The following FCRL2 variants were observed in gnomAD, a reference collection of about 807,000 sequenced individuals.
The protein encoded by FCRL2 is Fc receptor like 2.
FCRL2 carries 48 observed loss-of-function variants against 59.8 expected under a neutral mutation model. The observed-to-expected ratio is 0.80, with a 90% CI of 0.64 to 1.02. The LOEUF (loss-of-function observed/expected upper bound fraction) is 1.02, where lower values mean the gene tolerates loss of function less well. Ranked by LOEUF, FCRL2 falls within the 50% of genes least tolerant of loss-of-function variation. The probability of loss-of-function intolerance (pLI) is 0.00; values close to 1 mark genes in which losing one functional copy is unlikely to be tolerated. For missense variants in FCRL2, 658 were observed against 597.3 expected (o/e 1.10, Z -1.06); for synonymous variants, 251 against 229.5 (o/e 1.09, Z -0.85).
chr1:157,751,992 A>T (rs1170175358), intron 7 of FCRL2, among the ~76,000 whole-genome samples: 1 of 152,234 alleles, frequency 6.6e-6, no homozygotes, highest in South Asian at 2.1e-4. Flanking sequence ...AGAGAGAAAC[A>T]TCTGGCCAGA....
chr1:157,776,053 G>A (rs1394243455), intron 1 of FCRL2, among the ~76,000 whole-genome samples: 5 of 152,058 alleles, frequency 3.3e-5, no homozygotes, highest in African/African-American at 4.8e-5. Context: ...GATATTTAGT[G>A]ACTCTCCTTG....
At chr1:157,755,476 A>G (rs1372196947) in intron 7 of FCRL2, among the ~76,000 whole-genome samples, 1 of 152,240 alleles carries the variant, frequency 6.6e-6, no homozygotes, top group Non-Finnish European at 1.5e-5. Context: ...TCAAATTATA[A>G]AGGTATCTAA....
At chr1:157,748,226 C>T (rs890950295) in intron 10 of FCRL2, among the ~76,000 whole-genome samples, 19 of 152,068 alleles carry the variant, frequency 1.2e-4, no homozygotes, top group Admixed American at 1.2e-3. Flanking sequence ...TGAATCCAGC[C>T]ATGGTGAAAC....
chr1:157,759,055 C>G (rs1293107945), intron 7 of FCRL2, among the ~76,000 whole-genome samples: 2 of 152,118 alleles, frequency 1.3e-5, no homozygotes, highest in South Asian at 2.1e-4. Flanking sequence ...GTGGGAGGGA[C>G]CCGGTGGGAG....
At chr1:157,760,526 G>A (rs1285709226) in intron 7 of FCRL2, among the ~76,000 whole-genome samples, 1 of 151,810 alleles carries the variant, frequency 6.6e-6, no homozygotes, top group African/African-American at 2.4e-5. Flanking sequence ...TACCCAGGAG[G>A]CTGAGGCGAG....
intron 7 of FCRL2, among the ~76,000 whole-genome samples, chr1:157,762,857 T>A (rs1421301415): frequency 6.6e-6 from 1 of 152,102 alleles, no homozygotes; most frequent in African/African-American, 2.4e-5. Flanking sequence ...CCTTCATAAA[T>A]AAGGAGAAAT....
chr1:157,773,161 C>G (rs570989948), intron 2 of FCRL2, among the ~76,000 whole-genome samples: 18 of 152,334 alleles, frequency 1.2e-4, no homozygotes, highest in African/African-American at 4.3e-4. Context: ...TACCAGATCT[C>G]TCTCTTGTTA....
At chr1:157,756,251 T>C (rs984032551) in intron 7 of FCRL2, among the ~76,000 whole-genome samples, 3 of 152,228 alleles carry the variant, frequency 2.0e-5, no homozygotes, top group African/African-American at 7.2e-5. Context: ...AGGACCTTCA[T>C]GGAAGGAAAG....
Position 157,768,487 on chromosome 1 carries a change from G to A in FCRL2, c.810C>T (p.Ala270=), listed in dbSNP as rs962592831. 1.5e-5 allele frequency: 25 copies of A among 1,614,022 alleles called. No individual in the cohort carries two copies. The African/African-American group carries it at 1.6e-4, about 10-fold the overall frequency. The change falls in exon 5 of 12, where the codon GCC becomes GCT. Residue 270 remains alanine, a synonymous_variant. Transcript: ENST00000361516. ...LEIPAVKESD[A]GKYYCRADNG... ...TGTCAGCTCTACAGTAATATTTGCC[G>A]GCATCACTCTCTTTCACAGCTGGGA...
chr1:157,760,319 T>A (rs916472168), intron 7 of FCRL2, among the ~76,000 whole-genome samples: 3 of 151,914 alleles, frequency 2.0e-5, no homozygotes, highest in Non-Finnish European at 2.9e-5. Flanking sequence ...GAGTGAGGAT[T>A]GAAAAGCTAC....
At chr1:157,773,034 A>C (rs1017213921) in intron 2 of FCRL2, among the ~76,000 whole-genome samples, 3 of 152,202 alleles carry the variant, frequency 2.0e-5, no homozygotes, top group Admixed American at 1.3e-4. Flanking sequence ...GTTCACACCA[A>C]GTCCCCCTTT....
intron 4 of FCRL2, chr1:157,769,470 C>T (rs1649805848): frequency 6.1e-6 from 1 of 164,626 alleles, no homozygotes; most frequent in African/African-American, 2.4e-5. Context: ...CCCTGTCGCC[C>T]AGGCTGGAGT....
chr1:157,757,710 C>G (rs1268891576), intron 7 of FCRL2, among the ~76,000 whole-genome samples: 1 of 152,218 alleles, frequency 6.6e-6, no homozygotes, highest in Non-Finnish European at 1.5e-5. Context: ...CACCTGTAAT[C>G]CCAGCACTTC....
intron 7 of FCRL2, among the ~76,000 whole-genome samples, chr1:157,752,606 G>A (rs1436754605): frequency 6.6e-6 from 1 of 152,208 alleles, no homozygotes; most frequent in Admixed American, 6.5e-5. Context: ...TGAATGGGCA[G>A]TAGGAAGAGG....
At chr1:157,749,843 T>C (rs1299911327) in intron 7 of FCRL2, among the ~76,000 whole-genome samples, 166 bp from the exon 8 acceptor site, 1 of 152,212 alleles carries the variant, frequency 6.6e-6, no homozygotes, top group African/African-American at 2.4e-5. Context: ...ACACAACTAG[T>C]TGTTAGTAAA....
At chr1:157,770,195 G>T in intron 3 of FCRL2, 45 bp from the exon 4 acceptor site, 1 of 1,592,026 alleles carries the variant, frequency 6.3e-7, no homozygotes, top group South Asian at 1.1e-5. Context: ...TGACAGCTAA[G>T]ATTCCTGCTG....
chr1:157,752,570 A>G (rs1461688825), intron 7 of FCRL2, among the ~76,000 whole-genome samples: 1 of 152,224 alleles, frequency 6.6e-6, no homozygotes, highest in East Asian at 1.9e-4. Flanking sequence ...AGAGTCAGGG[A>G]AAATATAATC....
chr1:157,748,281 C>T (rs1196407176), intron 10 of FCRL2, among the ~76,000 whole-genome samples: 3 of 151,950 alleles, frequency 2.0e-5, no homozygotes, highest in African/African-American at 7.3e-5. Context: ...CGTGGTGGCG[C>T]ATGCCTCTCA....
At chr1:157,760,674 G>A (rs1314385850) in intron 7 of FCRL2, among the ~76,000 whole-genome samples, 5 of 86,608 alleles carry the variant, frequency 5.8e-5, no homozygotes, top group South Asian at 3.3e-4. Context: ...AAGGAAGGAA[G>A]GAAGGAAAGA....
Sources: allele counts gnomAD v4.1 joint callset (sites outside exome capture counted in the v4.1 genomes callset), GRCh38; gene constraint gnomAD v4.1.1; transcripts MANE v1.5; gene names NCBI Gene and HGNC (gene_info 2026-07-23, HGNC 2026-07-21).